Variants in SEMA6D observed in about 807,000 individuals in gnomAD.
SEMA6D encodes semaphorin 6D, also known as semaphorin-6D.
A neutral mutation model predicts 106.6 loss-of-function variants in SEMA6D; 35 were observed. That is an observed-to-expected ratio of 0.33 (90% CI 0.25 to 0.44). SEMA6D has a LOEUF of 0.44. SEMA6D is among the 20% of genes least tolerant of loss of function. The pLI is 1.00. For missense variants in SEMA6D, 1,185 were observed against 1,345.9 expected, an observed-to-expected ratio of 0.88 and a Z score of 1.87; for synonymous variants, 499 against 487.7, an observed-to-expected ratio of 1.02 and a Z score of -0.31.
In SEMA6D at chr15:47,771,394, G is replaced by T; in HGVS notation, c.2831G>T (p.Arg944Leu). 6.2e-7 allele frequency: 1 copy of T among 1,614,008 alleles called. No homozygotes were observed. Among genetic ancestry groups the T allele is most frequent in the Non-Finnish European group, 8.5e-7 (1 of 1,179,986 alleles). The change falls in exon 19 of 19, where the codon CGA becomes CTA. Residue 944 changes from arginine to leucine, a missense_variant. Arg to Leu is a moderately radical substitution (Grantham distance 102). Transcript: ENST00000536845. ...STLPRNSPTK[R>L]VDVPTTPGVP... ...CTCCCCAGAAATAGCCCAACCAAGC[G>T]AGTGGATGTCCCCACCACTCCTGGA...
intron 2 of SEMA6D, among the ~76,000 whole-genome samples, chr15:47,442,824 G>T (rs923863997): frequency 2.0e-5 from 3 of 152,018 alleles, no homozygotes; most frequent in African/African-American, 7.2e-5. Context: ...ATAGAAAAAG[G>T]CTTTGTTGTA....
intron 3 of SEMA6D, among the ~76,000 whole-genome samples, chr15:47,482,164 A>G (rs377243103): frequency 7.9e-5 from 12 of 152,286 alleles, no homozygotes; most frequent in African/African-American, 2.9e-4. Flanking sequence ...TTAAAGATAT[A>G]TTTTGACATA....
At chr15:47,378,421 G>A (rs1053071285) in intron 1 of SEMA6D, among the ~76,000 whole-genome samples, 2 of 152,168 alleles carry the variant, frequency 1.3e-5, no homozygotes, top group Non-Finnish European at 2.9e-5. Context: ...GCTTGAACCT[G>A]GAAGGCAGAG....
chr15:47,268,621 T>TA (rs2034427510), intron 1 of SEMA6D, among the ~76,000 whole-genome samples: 1 of 152,138 alleles, frequency 6.6e-6, no homozygotes, highest in Admixed American at 6.6e-5. Context: ...GGCCAGCACT[T>TA]ACGCCCATCT....
At chr15:47,619,873 C>T (rs752960831) in intron 4 of SEMA6D, among the ~76,000 whole-genome samples, 4 of 152,068 alleles carry the variant, frequency 2.6e-5, no homozygotes, top group Non-Finnish European at 4.4e-5. Flanking sequence ...ATGTTTATTG[C>T]CCTCAGAAAT....
chr15:47,266,780 G>A (rs903818647), intron 1 of SEMA6D, among the ~76,000 whole-genome samples: 2 of 152,080 alleles, frequency 1.3e-5, no homozygotes, highest in Admixed American at 1.3e-4. Context: ...GACATGCACT[G>A]TCTGGATTGG....
At chr15:47,186,453 G>A (rs553602970) in intron 1 of SEMA6D, among the ~76,000 whole-genome samples, 3 of 152,008 alleles carry the variant, frequency 2.0e-5, no homozygotes, top group Admixed American at 6.5e-5. Context: ...GTGGAAAAGT[G>A]TATTTATTGT....
chr15:47,194,507 A>G (rs1455516648), intron 1 of SEMA6D, among the ~76,000 whole-genome samples: 1 of 152,124 alleles, frequency 6.6e-6, no homozygotes, highest in Non-Finnish European at 1.5e-5. Flanking sequence ...TTGGTAGTCC[A>G]GGCATTCAAG....
chr15:47,452,218 A>G (rs531709919), intron 2 of SEMA6D, among the ~76,000 whole-genome samples: 2 of 152,076 alleles, frequency 1.3e-5, no homozygotes, highest in South Asian at 4.1e-4. Context: ...GATGAGGCAA[A>G]TCAATAATTT....
At chr15:47,193,655 A>T (rs1444362354) in intron 1 of SEMA6D, among the ~76,000 whole-genome samples, 2 of 152,048 alleles carry the variant, frequency 1.3e-5, no homozygotes, top group Non-Finnish European at 2.9e-5. Flanking sequence ...TCTATGAAAA[A>T]CAAAAACAAA....
intron 1 of SEMA6D, among the ~76,000 whole-genome samples, chr15:47,727,211 A>G (rs1420858205): frequency 6.6e-6 from 1 of 152,210 alleles, no homozygotes; most frequent in Non-Finnish European, 1.5e-5. Flanking sequence ...GTCGTCACGC[A>G]CATCTTTGAT....
intron 1 of SEMA6D, among the ~76,000 whole-genome samples, chr15:47,280,195 C>G (rs2035046566): frequency 6.6e-6 from 1 of 152,120 alleles, no homozygotes; most frequent in Admixed American, 6.5e-5. Flanking sequence ...ATTATTGCCA[C>G]AATTTCAGAT....
At chr15:47,703,119 G>A (rs1040103504) in intron 4 of SEMA6D, among the ~76,000 whole-genome samples, 3 of 152,066 alleles carry the variant, frequency 2.0e-5, no homozygotes, top group African/African-American at 4.8e-5. Context: ...TTCCACGTAC[G>A]ACTTTTTCAA....
At chr15:47,398,593 G>T (rs1452278009) in intron 1 of SEMA6D, among the ~76,000 whole-genome samples, 1 of 152,150 alleles carries the variant, frequency 6.6e-6, no homozygotes, top group African/African-American at 2.4e-5. Context: ...ATTCAGCTGA[G>T]AATTTTAAAG....
intron 1 of SEMA6D, among the ~76,000 whole-genome samples, chr15:47,234,017 G>A (rs2032382797): frequency 6.6e-6 from 1 of 151,962 alleles, no homozygotes; most frequent in African/African-American, 2.4e-5. Context: ...AAAGTTTCCA[G>A]GCCTATTCTA....
intron 1 of SEMA6D, among the ~76,000 whole-genome samples, chr15:47,323,716 C>T (rs2037015790): frequency 6.6e-6 from 1 of 152,096 alleles, no homozygotes; most frequent in African/African-American, 2.4e-5. Flanking sequence ...TGTCTGTCTC[C>T]TGTCACTGTG....
intron 3 of SEMA6D, among the ~76,000 whole-genome samples, chr15:47,599,288 C>G (rs2076596976): frequency 6.6e-6 from 1 of 152,058 alleles, no homozygotes; most frequent in Admixed American, 6.6e-5. Context: ...GGTAACTCCC[C>G]TCACTTCATT....
intron 1 of SEMA6D, among the ~76,000 whole-genome samples, chr15:47,216,735 A>G (rs2030655234): frequency 6.6e-6 from 1 of 152,160 alleles, no homozygotes; most frequent in South Asian, 2.1e-4. Context: ...CAATTCACAT[A>G]AGTTCAAATG....
At chr15:47,339,251 C>T (rs149594153) in intron 1 of SEMA6D, 3 of 152,328 alleles carry the variant, frequency 2.0e-5, no homozygotes, top group East Asian at 1.9e-4. Flanking sequence ...TTGAGCTGCT[C>T]CAGCTAATGG....
Sources: gnomAD v4.1 joint callset for allele counts (sites outside exome capture counted in the v4.1 genomes callset) on GRCh38, gnomAD v4.1.1 for gene constraint, MANE v1.5 for transcripts, NCBI Gene and HGNC (gene_info 2026-07-23, HGNC 2026-07-21) for gene names.